CFAP92: variants seen among roughly 807,000 people sequenced by gnomAD.
CFAP92 encodes the protein cilia and flagella associated protein 92 (putative).
In CFAP92, 86 loss-of-function variants were observed where a neutral mutation model predicts 106.3. The observed-to-expected ratio is 0.81, with a 90% CI of 0.68 to 0.97. The LOEUF is 0.97. Among genes scored for constraint, CFAP92 ranks in the 50% least tolerant of loss-of-function variants. The probability of loss-of-function intolerance (pLI) is 0.00; values close to 1 mark genes in which losing one functional copy is unlikely to be tolerated. For synonymous variants in CFAP92, 477 were observed against 506.4 expected (o/e 0.94, Z 0.78); for missense variants, 1,204 against 1,283.8 (o/e 0.94, Z 0.95).
At chr3:128,910,609 C>CG in intron 15 of CFAP92, 2 of 981,212 alleles carry the variant, frequency 2.0e-6, no homozygotes, top group Non-Finnish European at 1.6e-6. Context: ...GAACCCAAGA[C>CG]GGGGTGACTC....
intron 8 of CFAP92, chr3:128,970,392 G>C (rs978407607): frequency 1.3e-5 from 2 of 152,106 alleles, no homozygotes; most frequent in African/African-American, 4.8e-5. Context: ...CCTTCTCTAT[G>C]AATGCTGGTT....
chr3:128,990,827 G>A (rs1284006487), intron 2 of CFAP92, among the ~76,000 whole-genome samples: 5 of 152,258 alleles, frequency 3.3e-5, no homozygotes, highest in African/African-American at 9.6e-5. Flanking sequence ...AACCTGGGAG[G>A]TGGAGGTTGC....
chr3:128,933,405 A>C (rs1310019199), intron 11 of CFAP92, among the ~76,000 whole-genome samples: 1 of 152,100 alleles, frequency 6.6e-6, no homozygotes, highest in Non-Finnish European at 1.5e-5. Context: ...GAGAAGGAGG[A>C]GGCTGGAGAG....
At chr3:128,938,438 T>A (rs1378008326) in intron 10 of CFAP92, among the ~76,000 whole-genome samples, 1 of 151,756 alleles carries the variant, frequency 6.6e-6, no homozygotes, top group Non-Finnish European at 1.5e-5. Context: ...GAAACACTGA[T>A]GCCTTCTGCC....
intron 7 of CFAP92, among the ~76,000 whole-genome samples, chr3:128,974,036 T>C (rs1003761436): frequency 2.6e-5 from 4 of 152,248 alleles, no homozygotes; most frequent in Admixed American, 6.5e-5. Context: ...ACACTTTTAA[T>C]CCGGAAAAGA....
At chr3:128,950,697 ACTC>A (rs1940697252) in intron 9 of CFAP92, among the ~76,000 whole-genome samples, 1 of 152,110 alleles carries the variant, frequency 6.6e-6, no homozygotes, top group East Asian at 1.9e-4. Flanking sequence ...GGGGTGCTCA[ACTC>A]CTCCCTGATG....
At position 128,975,828 on chromosome 3, in the gene CFAP92, A is replaced by T; in HGVS notation, c.972T>A (p.Ser324Arg). ...SMMEIKELIESESLSSLTNIL... is the reference protein window; with the variant it reads ...SMMEIKELIERESLSSLTNIL... ...TGTTTGTTAAGCTGCTAAGTGATTC[A>T]CTCTCAATTAATTCCTTGATCTCCA... Residue 324 changes from serine (S) to arginine (R), a missense_variant, in exon 7 of 16, where the codon AGT becomes AGA. Transcript: ENST00000645291. The T allele has an allele frequency of 6.2e-7, 1 of 1,608,094 alleles. No individual in the cohort carries two copies. Among genetic ancestry groups the T allele is most frequent in the Non-Finnish European group, 8.5e-7 (1 of 1,176,922 alleles).
chr3:128,945,628 C>A lies in CFAP92; in HGVS notation c.1701G>T (p.Gln567His). 6.5e-7 allele frequency: 1 copy of A among 1,536,100 alleles called. No individual in the cohort carries two copies. The highest frequency in any genetic ancestry group is 8.7e-7 in the Non-Finnish European group (1 of 1,146,924). ...NKMWYPYGIA[Q>H]VSFADLLLGH... is the part of the protein sequence containing the mutation. ...CAAGGAGGAGGTCAGCAAAACTGACCTGGGCGATGCCATAAGGGTACCACA... is the reference window on the plus strand; with the variant it reads ...CAAGGAGGAGGTCAGCAAAACTGACATGGGCGATGCCATAAGGGTACCACA... The change falls in exon 10 of 16, where the codon CAG (glutamine) becomes CAT (histidine). Residue 567 changes from glutamine to histidine, a missense_variant. Coordinates refer to ENST00000645291, the MANE Select transcript of CFAP92 (RefSeq NM_001394090.1).
chr3:129,012,269 A>G, the CFAP92 span, among the ~76,000 whole-genome samples: 1 of 152,224 alleles, frequency 6.6e-6, no homozygotes, highest in African/African-American at 2.4e-5. Flanking sequence ...ATCTAATGAG[A>G]TAATAGAAAG....
At chr3:128,937,597 C>A (rs537497863) in intron 10 of CFAP92, among the ~76,000 whole-genome samples, 1 of 127,990 alleles carries the variant, frequency 7.8e-6, no homozygotes, top group East Asian at 2.6e-4. Context: ...GAGCGAGACT[C>A]CATATCCAAA....
intron 4 of CFAP92, among the ~76,000 whole-genome samples, chr3:128,983,904 C>T (rs557657741): frequency 6.6e-6 from 1 of 152,312 alleles, no homozygotes; most frequent in South Asian, 2.1e-4. Flanking sequence ...TGAACAGCTG[C>T]AGAGCAAGGC....
At chr3:129,019,388 G>A in the CFAP92 span, among the ~76,000 whole-genome samples, 1 of 152,210 alleles carries the variant, frequency 6.6e-6, no homozygotes, top group Non-Finnish European at 1.5e-5. Flanking sequence ...ATGGGATTTA[G>A]AAGCCCAGTC....
intron 9 of CFAP92, among the ~76,000 whole-genome samples, chr3:128,953,609 C>CTCTCCCTCTCCCTCCCTCTCCG (rs1261247087): frequency 8.4e-6 from 1 of 119,436 alleles, no homozygotes; most frequent in Non-Finnish European, 1.6e-5. Flanking sequence ...CCCCCTCTCC[C>CTCTCCCTCTCCCTCCCTCTCCG]TCTCCCTCTC....
chr3:128,952,534 C>G (rs1012113995), intron 9 of CFAP92, among the ~76,000 whole-genome samples: 4 of 152,118 alleles, frequency 2.6e-5, no homozygotes, highest in Non-Finnish European at 5.9e-5. Flanking sequence ...TGATACAGAT[C>G]TTGGAATTAT....
chr3:128,977,565 G>A (rs1435517887), intron 5 of CFAP92, among the ~76,000 whole-genome samples: 2 of 152,128 alleles, frequency 1.3e-5, no homozygotes, highest in Non-Finnish European at 2.9e-5. Flanking sequence ...TCCACAGTCA[G>A]AAAAGTTTTT....
At chr3:128,943,742 G>A (rs1939897084) in intron 10 of CFAP92, among the ~76,000 whole-genome samples, 1 of 151,460 alleles carries the variant, frequency 6.6e-6, no homozygotes, top group Non-Finnish European at 1.5e-5. Flanking sequence ...TCACCATGTT[G>A]GCCAGACTGG....
intron 9 of CFAP92, among the ~76,000 whole-genome samples, chr3:128,963,508 A>G (rs1942116622): frequency 6.6e-6 from 1 of 152,092 alleles, no homozygotes; most frequent in Non-Finnish European, 1.5e-5. Context: ...TAAGTCTCAC[A>G]ATTACCATCG....
chr3:128,991,868 A>AGGTCTAT (rs1351974044), intron 2 of CFAP92: 4 of 987,242 alleles, frequency 4.1e-6, no homozygotes, highest in Non-Finnish European at 4.8e-6. Flanking sequence ...AAACAAAGCA[A>AGGTCTAT]GGTCTATCAA....
chr3:128,928,288 C>G (rs1039359131), intron 12 of CFAP92, among the ~76,000 whole-genome samples: 4 of 152,140 alleles, frequency 2.6e-5, no homozygotes, highest in African/African-American at 9.7e-5. Context: ...CATGAAATTC[C>G]TATAGAATTT....
Sources: gnomAD v4.1 joint callset for allele counts (sites outside exome capture counted in the v4.1 genomes callset) on GRCh38, gnomAD v4.1.1 for gene constraint, MANE v1.5 for transcripts, NCBI Gene and HGNC (gene_info 2026-07-23, HGNC 2026-07-21) for gene names.